GALNT16: variants seen among roughly 807,000 people sequenced by gnomAD.
The protein encoded by GALNT16 is UDP-GalNAc:polypeptide N-acetylgalactosaminyltransferase-like protein 1.
A neutral mutation model predicts 76.1 loss-of-function variants in GALNT16; 40 were observed. The observed-to-expected ratio is 0.53, with a 90% CI of 0.41 to 0.68. The LOEUF is 0.68. GALNT16 is among the 30% of genes least tolerant of loss of function. The pLI is 0.00. For synonymous variants in GALNT16, 276 were observed against 285.2 expected, an observed-to-expected ratio of 0.97 and a Z score of 0.32; for missense variants, 621 against 731.9, an observed-to-expected ratio of 0.85 and a Z score of 1.75.
At chr14:69,287,671 T>A (rs2044631412) in intron 1 of GALNT16, among the ~76,000 whole-genome samples, 1 of 152,136 alleles carries the variant, frequency 6.6e-6, no homozygotes, top group Non-Finnish European at 1.5e-5. Flanking sequence ...AGAGATTAAG[T>A]GACTTGTCCA....
At chr14:69,300,867 TG>T (rs1240899307) in intron 1 of GALNT16, among the ~76,000 whole-genome samples, 2 of 152,158 alleles carry the variant, frequency 1.3e-5, no homozygotes, top group Non-Finnish European at 2.9e-5. Flanking sequence ...GGTACCAACT[TG>T]GGATTTACCT....
chr14:69,372,654 C>G, the GALNT16 span, among the ~76,000 whole-genome samples: 8 of 152,000 alleles, frequency 5.3e-5, no homozygotes, highest in African/African-American at 1.7e-4. Flanking sequence ...TGCCACCATG[C>G]CTGGGATCTT....
the GALNT16 span, chr14:69,380,373 G>GTTTCCGATTGAACAAGA: frequency 2.3e-6 from 1 of 438,642 alleles, no homozygotes; most frequent in Non-Finnish European, 4.1e-6. Context: ...GGTAACGGGG[G>GTTTCCGATTGAACAAGA]TTTCCGATTG....
intron 1 of GALNT16, among the ~76,000 whole-genome samples, chr14:69,311,396 A>G (rs2045018263): frequency 6.6e-6 from 1 of 152,226 alleles, no homozygotes; most frequent in African/African-American, 2.4e-5. Context: ...CTTACTTCTT[A>G]ATACCACCAC....
At chr14:69,312,951 C>G (rs1401223647) in intron 1 of GALNT16, among the ~76,000 whole-genome samples, 5 of 152,238 alleles carry the variant, frequency 3.3e-5, no homozygotes, top group Non-Finnish European at 7.3e-5. Flanking sequence ...TGCTTAGGCT[C>G]TGTGGCCAGA....
rs1178536924 is a variant in GALNT16, at chr14:69,320,859, G to A, written c.326G>A (p.Arg109His). The change falls in exon 2 of 15, where the codon CGC becomes CAC. Residue 109 changes from arginine to histidine, a missense_variant. Arg to His is a conservative substitution (Grantham distance 29). Transcript: ENST00000448469. Reference protein sequence around the residue: ...LSPDRPIRDTRHYSCPSVSYS... With the variant: ...LSPDRPIRDTHHYSCPSVSYS... ...CCAGACCGGCCCATCCGGGACACCC[G>A]CCATTACAGGTACGGCCTCCATCGT... 1.9e-6 allele frequency: 3 copies of A among 1,613,774 alleles called. No homozygotes were observed. The highest frequency in any genetic ancestry group is 2.7e-5 in the African/African-American group (2 of 74,918).
At chr14:69,367,644 C>CAAA in the GALNT16 span, among the ~76,000 whole-genome samples, 206 of 64,026 alleles carry the variant, frequency 3.2e-3, 2 homozygotes, top group African/African-American at 0.011. Context: ...CTGTGCAAGG[C>CAAA]AAAAAAAAAA....
At chr14:69,324,225 T>C (rs1594851424) in intron 2 of GALNT16, among the ~76,000 whole-genome samples, 1 of 151,846 alleles carries the variant, frequency 6.6e-6, no homozygotes, top group Non-Finnish European at 1.5e-5. Flanking sequence ...GCAGCCAGGG[T>C]AGGGGTGATT....
chr14:69,351,967 C>T (rs1424983239), intron 14 of GALNT16, 64 bp from the exon 15 acceptor site: 5 of 1,471,464 alleles, frequency 3.4e-6, no homozygotes, highest in Non-Finnish European at 4.6e-6. Context: ...AATGAAAGTA[C>T]AACATTATTT....
chr14:69,310,423 T>G (rs564355357), intron 1 of GALNT16, among the ~76,000 whole-genome samples: 1 of 152,196 alleles, frequency 6.6e-6, no homozygotes, highest in Admixed American at 6.5e-5. Flanking sequence ...AATGTATGTC[T>G]TTACATCACT....
chr14:69,369,481 G>A, the GALNT16 span, among the ~76,000 whole-genome samples: 1 of 152,216 alleles, frequency 6.6e-6, no homozygotes, highest in Non-Finnish European at 1.5e-5. Flanking sequence ...AGACAGAGCT[G>A]CTTTGGATGG....
At chr14:69,281,426 AG>A (rs2044540006) in intron 1 of GALNT16, among the ~76,000 whole-genome samples, 1 of 152,192 alleles carries the variant, frequency 6.6e-6, no homozygotes, top group South Asian at 2.1e-4. Flanking sequence ...AGACCTTGTT[AG>A]GTGTGCAGGG....
downstream of GALNT16, chr14:69,358,339 T>C (rs2045705334): frequency 6.6e-6 from 1 of 152,408 alleles, no homozygotes; most frequent in African/African-American, 2.4e-5. Flanking sequence ...GGACTGCAGT[T>C]CCCACAACCC....
At chr14:69,316,793 A>C (rs2045109161) in intron 1 of GALNT16, among the ~76,000 whole-genome samples, 2 of 149,798 alleles carry the variant, frequency 1.3e-5, no homozygotes, top group South Asian at 2.1e-4. Flanking sequence ...GGGGCACTGA[A>C]GGTCACGTGA....
chr14:69,354,887 G>C (rs1395245953), downstream of GALNT16: 4 of 152,348 alleles, frequency 2.6e-5, no homozygotes, highest in Non-Finnish European at 4.4e-5. Context: ...TGTCCCCTCG[G>C]AGCTGCCCTC....
Position 69,333,592 on chromosome 14 carries a change from A to G in GALNT16, c.959A>G (p.Glu320Gly). The G allele has an allele frequency of 6.5e-7, 1 of 1,546,008 alleles. No homozygotes were observed. Among genetic ancestry groups the G allele is most frequent in the Non-Finnish European group, 8.9e-7 (1 of 1,123,572 alleles). ...YDAQMDIWGGENFELSFRVWM... is the reference protein window; with the variant it reads ...YDAQMDIWGGGNFELSFRVWM... The stretch of plus-strand genomic sequence containing the variant: ...GCCCAGATGGACATCTGGGGGGGAG[A>G]GAATTTTGGTGAGTTGGGAAATAGT... The change falls in exon 9 of 15, where the codon GAG becomes GGG. Residue 320 changes from glutamate (E) to glycine (G), a missense_variant. Physicochemically the swap from Glu to Gly is moderately conservative, Grantham distance 98. Transcript: ENST00000448469. The surrounding 1 kb of genome is among the most constrained non-coding windows in gnomAD (Gnocchi z 4.2).
intron 1 of GALNT16, among the ~76,000 whole-genome samples, chr14:69,294,527 T>C (rs2044728730): frequency 6.6e-6 from 1 of 152,200 alleles, no homozygotes; most frequent in Non-Finnish European, 1.5e-5. Flanking sequence ...TTTACACTTG[T>C]GCAACTTACA....
At chr14:69,320,137 C>A (rs377042573) in intron 1 of GALNT16, among the ~76,000 whole-genome samples, 2 of 152,210 alleles carry the variant, frequency 1.3e-5, no homozygotes, top group African/African-American at 4.8e-5. Flanking sequence ...GCTTTGGAGT[C>A]GGAATGACCA....
chr14:69,328,944 G>A (rs1188891797), intron 6 of GALNT16, among the ~76,000 whole-genome samples: 1 of 152,188 alleles, frequency 6.6e-6, no homozygotes, highest in Non-Finnish European at 1.5e-5. Flanking sequence ...GAGAGGAGAG[G>A]GTAGGAGGGC....
Sources: allele counts gnomAD v4.1 joint callset (sites outside exome capture counted in the v4.1 genomes callset), GRCh38; gene constraint gnomAD v4.1.1; non-coding constraint Gnocchi (gnomAD v3.1); transcripts MANE v1.5; gene names NCBI Gene and HGNC (gene_info 2026-07-23, HGNC 2026-07-21).